CCDC7: variants seen among roughly 807,000 people sequenced by gnomAD.
CCDC7 encodes coiled-coil domain-containing protein 7.
CCDC7 carries 183 observed loss-of-function variants against 196.9 expected under a neutral mutation model. That is an observed-to-expected ratio of 0.93 (90% confidence interval 0.82 to 1.05). CCDC7 has a LOEUF of 1.05. CCDC7 is among the 50% of genes least tolerant of loss of function. The probability of loss-of-function intolerance (pLI) is 0.00; values close to 1 mark genes in which losing one functional copy is unlikely to be tolerated. For synonymous variants in CCDC7, 525 were observed against 484.6 expected (o/e 1.08, Z -1.10); for missense variants, 1,540 against 1,482.2 (o/e 1.04, Z -0.64).
At chr10:32,603,161 C>CTTT (rs35440134) in intron 18 of CCDC7, among the ~76,000 whole-genome samples, 1 of 145,810 alleles carries the variant, frequency 6.9e-6, no homozygotes, top group Non-Finnish European at 1.5e-5. Context: ...ATGAAATTCA[C>CTTT]TTTTTTTTTT....
chr10:32,712,531 A>C (rs1301285927), intron 25 of CCDC7, among the ~76,000 whole-genome samples: 6 of 152,220 alleles, frequency 3.9e-5, no homozygotes, highest in Non-Finnish European at 8.8e-5. Context: ...GGATGATTTC[A>C]TAAACAGTTC....
intron 28 of CCDC7, among the ~76,000 whole-genome samples, chr10:32,756,259 C>A (rs1243766202): frequency 1.3e-5 from 2 of 152,104 alleles, no homozygotes; most frequent in South Asian, 2.1e-4. Flanking sequence ...ACAGAGAACA[C>A]CACAAAGATA....
At chr10:32,572,972 G>T (rs181504824) in intron 16 of CCDC7, among the ~76,000 whole-genome samples, 119 of 146,850 alleles carry the variant, frequency 8.1e-4, no homozygotes, top group Middle Eastern at 3.7e-3. Flanking sequence ...CTGCCTCCCA[G>T]GTTCAAGTGA....
chr10:32,571,698 C>G (rs573571914), intron 15 of CCDC7, among the ~76,000 whole-genome samples, 161 bp from the exon 17 acceptor site: 4 of 152,032 alleles, frequency 2.6e-5, no homozygotes, highest in South Asian at 2.1e-4. Flanking sequence ...TATAATGTCT[C>G]TTCCAATGCT....
intron 16 of CCDC7, among the ~76,000 whole-genome samples, 164 bp downstream of exon 17, chr10:32,572,057 G>C (rs981750020): frequency 6.6e-6 from 1 of 152,010 alleles, no homozygotes; most frequent in African/African-American, 2.4e-5. Flanking sequence ...TAGAAGAGTT[G>C]ATGCAGTCAA....
intron 20 of CCDC7, among the ~76,000 whole-genome samples, chr10:32,660,108 GTTTTTCTTTTT>G (rs937810173): frequency 6.6e-5 from 10 of 150,852 alleles, no homozygotes; most frequent in African/African-American, 1.2e-4. Flanking sequence ...TTTTTCCTCT[GTTTTTCTTTTT>G]TTTTTCTTTT....
chr10:32,791,713 C>T (rs1275406733), intron 29 of CCDC7, among the ~76,000 whole-genome samples: 3 of 151,520 alleles, frequency 2.0e-5, no homozygotes, highest in Admixed American at 1.3e-4. Context: ...ATGAAGAACA[C>T]TAAAGGACTT....
intron 13 of CCDC7, among the ~76,000 whole-genome samples, chr10:32,550,183 G>A (rs962724298): frequency 3.3e-5 from 5 of 151,576 alleles, no homozygotes; most frequent in African/African-American, 1.2e-4. Context: ...ATTGTAAAAG[G>A]AGTTGAGTAC....
In CCDC7 at chr10:32,668,106, C is replaced by T. The variant is rs1234427961; in HGVS notation, c.2122+3945C>T. Among the ~76,000 whole-genome samples, 6 of 151,858 alleles carry T rather than the reference C, an allele frequency of 4.0e-5. No homozygotes were observed. The South Asian group carries it at 1.0e-3, about 26-fold the overall frequency. On this transcript the variant is annotated intron_variant, in intron 21 of 41. Transcript: ENST00000639629. ...TCACGTCCCTTGTAAGTTGGATTCC[C>T]AGGTGTTTTATTCTCTTTGAAGCAA...
intron 20 of CCDC7, among the ~76,000 whole-genome samples, chr10:32,659,332 G>A (rs1022558890): frequency 6.6e-6 from 1 of 151,958 alleles, no homozygotes; most frequent in Non-Finnish European, 1.5e-5. Flanking sequence ...CCCACATTTT[G>A]AATTTTCTGA....
intron 41 of CCDC7, among the ~76,000 whole-genome samples, chr10:32,856,365 CACA>C (rs1214483906): frequency 6.6e-6 from 1 of 152,078 alleles, no homozygotes; most frequent in East Asian, 1.9e-4. Flanking sequence ...ACAACTCAAC[CACA>C]ACAACAGAAC....
intron 40 of CCDC7, among the ~76,000 whole-genome samples, chr10:32,853,379 G>A (rs567774740): frequency 2.0e-5 from 3 of 152,114 alleles, no homozygotes; most frequent in East Asian, 3.9e-4. Context: ...AATTTTTCAC[G>A]AAAGCATTTG....
At chr10:32,663,785 TTAATC>T (rs1361517030) in intron 20 of CCDC7, among the ~76,000 whole-genome samples, 1 of 151,628 alleles carries the variant, frequency 6.6e-6, no homozygotes, top group East Asian at 1.9e-4. Context: ...TGAATATATA[TTAATC>T]TAAATTATAA....
At chr10:32,687,043 G>A (rs188097166) in intron 22 of CCDC7, among the ~76,000 whole-genome samples, 140 of 152,256 alleles carry the variant, frequency 9.2e-4, no homozygotes, top group African/African-American at 3.1e-3. Context: ...TATGTCAATT[G>A]CTTTATACCT....
intron 5 of CCDC7, among the ~76,000 whole-genome samples, chr10:32,466,043 C>G (rs1053216310): frequency 5.3e-5 from 8 of 152,120 alleles, no homozygotes; most frequent in Non-Finnish European, 1.2e-4. Flanking sequence ...TTGTTGGTTA[C>G]TATCATATCC....
chr10:32,596,159 T>C (rs1426048746), intron 18 of CCDC7, among the ~76,000 whole-genome samples: 1 of 151,956 alleles, frequency 6.6e-6, no homozygotes, highest in Non-Finnish European at 1.5e-5. Context: ...AATCTCCTAT[T>C]ATTATTGCGT....
At chr10:32,839,968 C>T (rs895116519) in intron 33 of CCDC7, among the ~76,000 whole-genome samples, 11 of 151,972 alleles carry the variant, frequency 7.2e-5, no homozygotes, top group Admixed American at 5.3e-4. Flanking sequence ...ATAATAGTGA[C>T]ACAACCTATC....
intron 11 of CCDC7, among the ~76,000 whole-genome samples, chr10:32,521,371 A>G (rs190955630): frequency 6.4e-4 from 97 of 151,898 alleles, no homozygotes; most frequent in South Asian, 8.3e-4. Flanking sequence ...CTCCATTTCA[A>G]TTTCTTTCAT....
intron 20 of CCDC7, among the ~76,000 whole-genome samples, chr10:32,639,360 T>C (rs1043272384): frequency 4.6e-5 from 7 of 152,210 alleles, no homozygotes; most frequent in Non-Finnish European, 1.0e-4. Context: ...TGCTTTCTCT[T>C]GTGGGCATTT....
Sources: gnomAD v4.1 joint callset for allele counts (sites outside exome capture counted in the v4.1 genomes callset) on GRCh38, gnomAD v4.1.1 for gene constraint, MANE v1.5 for transcripts, NCBI Gene and HGNC (gene_info 2026-07-23, HGNC 2026-07-21) for gene names.